RFX2: variants seen among roughly 807,000 people sequenced by gnomAD.
RFX2 encodes DNA-binding protein RFX2.
RFX2 carries 20 observed loss-of-function variants against 87.8 expected under a neutral mutation model. The ratio of observed to expected loss-of-function variants is 0.23; its 90% CI spans 0.16 to 0.33. The LOEUF (loss-of-function observed/expected upper bound fraction) is 0.33. Among genes scored for constraint, RFX2 ranks in the 10% least tolerant of loss-of-function variants. RFX2 has a pLI of 1.00. For missense variants in RFX2, 767 were observed against 1,012.3 expected (o/e 0.76, Z 3.29); for synonymous variants, 397 against 431.3 (o/e 0.92, Z 0.98).
At chr19:6,006,918 G>T in intron 12 of RFX2, 94 bp downstream of exon 12, 1 of 1,434,602 alleles carries the variant, frequency 7.0e-7, no homozygotes, top group Non-Finnish European at 9.6e-7. Flanking sequence ...TGAAAGCGAT[G>T]GTCTGAGGTG....
At position 6,083,592 on chromosome 19, in the gene RFX2, A is replaced by G. The variant is rs1308677784; in HGVS notation, c.-9+26801T>C. On this transcript the variant is annotated intron_variant, in intron 1 of 17. Coordinates refer to ENST00000303657, the MANE Select transcript of RFX2 (RefSeq NM_000635.4). The surrounding 1 kb of genome is among the most constrained non-coding windows in gnomAD (Gnocchi z 4.6). ...TTTATTCATTTATTTATTTATTCTG[A>G]GGCCGGGTCTTGCTCTGTCATCCAG... Among the ~76,000 whole-genome samples the G allele has an allele frequency of 6.8e-6, 1 of 147,648 alleles. No individual in the cohort carries two copies. The highest frequency in any genetic ancestry group is 2.0e-4 in the East Asian group (1 of 4,960).
chr19:6,043,975 C>T (rs965338429), intron 3 of RFX2, among the ~76,000 whole-genome samples: 10 of 152,284 alleles, frequency 6.6e-5, no homozygotes, highest in Non-Finnish European at 1.0e-4. Context: ...TCTGAATGAA[C>T]GAAAGATCAC....
chr19:6,026,467 C>A lies in RFX2; in HGVS notation c.523-230G>T. On this transcript the variant is annotated intron_variant, in intron 5 of 17. Coordinates refer to ENST00000303657, the MANE Select transcript of RFX2 (RefSeq NM_000635.4). The surrounding 1 kb of genome is among the most constrained non-coding windows in gnomAD (Gnocchi z 4.5). ...GCACACGTAGGTAAGCCCGAGAGCC[C>A]GTCCAACAGAAGCAGCAGAAATCAT... 1.7e-6 allele frequency: 1 copy of A among 576,690 alleles called. No individual in the cohort carries two copies. The highest frequency in any genetic ancestry group is 3.1e-6 in the Non-Finnish European group (1 of 324,572). 35.7% of individuals were successfully genotyped at this position (576,690 alleles called of 1,614,324 possible). A position where few individuals can be genotyped will look rare whatever the true frequency, so the allele number is the denominator to read the frequency against.
At position 6,009,305 on chromosome 19, in the gene RFX2, G is replaced by A. The variant is rs955994330; in HGVS notation, c.1015+831C>T. Among the ~76,000 whole-genome samples, 4 of 152,210 alleles carry A rather than the reference G, an allele frequency of 2.6e-5. No individual in the cohort carries two copies. The South Asian group carries it at 8.3e-4, about 31-fold the overall frequency. On this transcript the variant is annotated intron_variant, in intron 9 of 17. Transcript: ENST00000303657. ...TGTGTACAGAGCCCACCTGAATCAT[G>A]ACATGCCAGTGAGCCTTCCTTGGCC... is the stretch of plus-strand genomic sequence containing the variant.
intron 1 of RFX2, among the ~76,000 whole-genome samples, chr19:6,106,655 AGTTTAGTG>A (rs1324369060): frequency 6.6e-6 from 1 of 152,104 alleles, no homozygotes; most frequent in Non-Finnish European, 1.5e-5. Context: ...CCTCCCCTGC[AGTTTAGTG>A]AGTGTCCTGA....
At chr19:6,009,829 G>A (rs1440121462) in intron 9 of RFX2, among the ~76,000 whole-genome samples, 1 of 152,222 alleles carries the variant, frequency 6.6e-6, no homozygotes, top group Non-Finnish European at 1.5e-5. Context: ...GCCTCCCAAG[G>A]TGTTGGGATC....
Position 6,007,225 on chromosome 19 carries a change from A to G in RFX2, c.1248-59T>C. 2 of 1,561,316 alleles carry G rather than the reference A, an allele frequency of 1.3e-6. No individual in the cohort carries two copies. The highest frequency in any genetic ancestry group is 1.8e-6 in the Non-Finnish European group (2 of 1,141,786). ...CTGGCCCAGGTGGGCTCACTCAGCC[A>G]CGGGAGCGAGCAGAGAGCCGGGCTG... On this transcript the variant is annotated intron_variant, in intron 11 of 17. Transcript: ENST00000303657. This position sits in a 1 kb window ranked among gnomAD's most constrained non-coding sequence, Gnocchi z 8.2.
At position 6,099,815 on chromosome 19, in the gene RFX2, G is replaced by A. The variant is rs755092860; in HGVS notation, c.-9+10578C>T. Among the ~76,000 whole-genome samples, 24 of 152,172 alleles carry A rather than the reference G, an allele frequency of 1.6e-4. 1 individual carries two copies. Among genetic ancestry groups the A allele is most frequent in the Admixed American group, 6.5e-4 (10 of 15,270 alleles). ...TTGCCACTTCTTGTTGATTAGTCCAGCAGCCCCCAGCTGGGAGGCAATTCT... is the reference window on the plus strand; with the variant it reads ...TTGCCACTTCTTGTTGATTAGTCCAACAGCCCCCAGCTGGGAGGCAATTCT... On this transcript the variant is annotated intron_variant, in intron 1 of 17. Transcript: ENST00000303657.
At position 6,002,059 on chromosome 19, in the gene RFX2, G is replaced by T; in HGVS notation, c.1651-36C>A. On this transcript the variant is annotated intron_variant, in intron 14 of 17. Transcript: ENST00000303657. This position sits in a 1 kb window ranked among gnomAD's most constrained non-coding sequence, Gnocchi z 6.7. The stretch of plus-strand genomic sequence containing the variant: ...GGCAGAGGCCAGTGTCAGCAATGTG[G>T]ACCCCCAGCCACGGCAGCCCTCCCT... 1.3e-6 allele frequency: 2 copies of T among 1,547,714 alleles called. No individual in the cohort carries two copies. The highest frequency in any genetic ancestry group is 2.3e-5 in the East Asian group (1 of 43,608).
intron 1 of RFX2, among the ~76,000 whole-genome samples, chr19:6,097,957 G>C (rs751042028): frequency 6.6e-6 from 1 of 152,122 alleles, no homozygotes; most frequent in Non-Finnish European, 1.5e-5. Flanking sequence ...CTTACTGAGG[G>C]CTGCTTTTTT....
chr19:6,107,934 C>T (rs1320828992), intron 1 of RFX2, among the ~76,000 whole-genome samples: 7 of 152,186 alleles, frequency 4.6e-5, no homozygotes, highest in African/African-American at 9.7e-5. Flanking sequence ...TAAGGTAATG[C>T]GTGCCCTTCA....
At chr19:6,078,686 T>C (rs1199480641) in intron 1 of RFX2, among the ~76,000 whole-genome samples, 1 of 152,240 alleles carries the variant, frequency 6.6e-6, no homozygotes, top group Non-Finnish European at 1.5e-5. Context: ...TGAGGTGGGA[T>C]AGACAGAAAG....
In RFX2 at chr19:6,027,063, C is replaced by T. The variant is rs2086898820; in HGVS notation, c.523-826G>A. 2 of 152,288 alleles carry T rather than the reference C, an allele frequency of 1.3e-5. No individual in the cohort carries two copies. Among genetic ancestry groups the T allele is most frequent in the Admixed American group, 1.3e-4 (2 of 15,280 alleles). 9.4% of individuals were successfully genotyped at this position (152,288 alleles called of 1,614,324 possible). A position where few individuals can be genotyped will look rare whatever the true frequency, so the allele number is the denominator to read the frequency against. ...TTGTCCTAGACTCGCACACGGAAAA[C>T]AGCGACGTAAAATCTGCTGCAGCCC... On this transcript the variant is annotated intron_variant, in intron 5 of 17. Coordinates refer to ENST00000303657, the MANE Select transcript of RFX2 (RefSeq NM_000635.4). The surrounding 1 kb of genome is among the most constrained non-coding windows in gnomAD (Gnocchi z 5.0).
Position 6,022,295 on chromosome 19 carries a change from C to T in RFX2, c.597+3868G>A, listed in dbSNP as rs1282855718. Among the ~76,000 whole-genome samples the T allele has an allele frequency of 6.6e-6, 1 of 152,220 alleles. No individual in the cohort carries two copies. Among genetic ancestry groups the T allele is most frequent in the Admixed American group, 6.5e-5 (1 of 15,284 alleles). On this transcript the variant is annotated intron_variant, in intron 6 of 17. Transcript: ENST00000303657. This position sits in a 1 kb window ranked among gnomAD's most constrained non-coding sequence, Gnocchi z 6.2. ...AACCCCACTGTGGCCTGCAGGACAG[C>T]ACGGCCATCGTGCCAGGCTACACAG...
At chr19:6,055,315 G>A (rs961146415) in intron 1 of RFX2, among the ~76,000 whole-genome samples, 7 of 152,168 alleles carry the variant, frequency 4.6e-5, no homozygotes, top group East Asian at 3.8e-4. Flanking sequence ...AGTTAAACCT[G>A]CCCTTTAACC....
rs1166897533 is a variant in RFX2, at chr19:6,074,065, G to A, written c.-8-26561C>T. Among the ~76,000 whole-genome samples, 4 of 152,176 alleles carry A rather than the reference G, an allele frequency of 2.6e-5. No homozygotes were observed. The highest frequency in any genetic ancestry group is 6.5e-5 in the Admixed American group (1 of 15,274). On this transcript the variant is annotated intron_variant, in intron 1 of 17. Coordinates refer to ENST00000303657, the MANE Select transcript of RFX2 (RefSeq NM_000635.4). This position sits in a 1 kb window ranked among gnomAD's most constrained non-coding sequence, Gnocchi z 5.2. ...CAGGAACTCGTTCTGCCCCAGCTGA[G>A]GTTCTGGGCCTCATCACTAATGACC...
intron 4 of RFX2, 119 bp downstream of exon 4, chr19:6,041,925 A>T (rs1191537109): frequency 3.7e-6 from 3 of 802,874 alleles, no homozygotes; most frequent in Non-Finnish European, 6.6e-6. Context: ...TTTTAACAGT[A>T]TTTAGTGAAC....
intron 5 of RFX2, among the ~76,000 whole-genome samples, chr19:6,030,170 A>G (rs1418553602): frequency 6.6e-6 from 1 of 152,262 alleles, no homozygotes; most frequent in Non-Finnish European, 1.5e-5. Flanking sequence ...TAAGTGGCAT[A>G]AACTCAAAGA....
At position 5,994,859 on chromosome 19, in the gene RFX2, G is replaced by A; in HGVS notation, c.2148C>T (p.Pro716=). 6.2e-7 allele frequency: 1 copy of A among 1,610,104 alleles called. No homozygotes were observed. The highest frequency in any genetic ancestry group is 1.1e-5 in the South Asian group (1 of 91,064). ...GCTAGATGCCCTGCAGGGAGTGGTT[G>A]GGGTCACTGCGCTCCCGCTTTACCA... ...EPLVKRERSD[P]NHSLQGI is the part of the protein sequence containing the mutation. Residue 716 remains proline (P), a synonymous_variant, in exon 18 of 18, where the codon CCC becomes CCT. Coordinates refer to ENST00000303657, the MANE Select transcript of RFX2 (RefSeq NM_000635.4).
Sources: gnomAD v4.1 joint callset for allele counts (sites outside exome capture counted in the v4.1 genomes callset) on GRCh38, gnomAD v4.1.1 for gene constraint, Gnocchi (gnomAD v3.1) non-coding constraint, MANE v1.5 for transcripts, NCBI Gene and HGNC (gene_info 2026-07-23, HGNC 2026-07-21) for gene names.